UNC80: variants seen among roughly 807,000 people sequenced by gnomAD.
UNC80 encodes the protein protein unc-80 homolog.
In UNC80, 164 loss-of-function variants were observed where a neutral mutation model predicts 384.6. The ratio of observed to expected loss-of-function variants is 0.43; its 90% CI spans 0.38 to 0.49. UNC80 has a LOEUF of 0.49. Ranked by LOEUF, UNC80 falls within the 20% of genes least tolerant of loss-of-function variation. The pLI is 0.00. For synonymous variants in UNC80, 1,486 were observed against 1,527.8 expected, an observed-to-expected ratio of 0.97 and a Z score of 0.64; for missense variants, 3,330 against 4,143.0, an observed-to-expected ratio of 0.80 and a Z score of 5.39.
intron 28 of UNC80, 36 bp from the exon 29 acceptor site, chr2:209,904,729 T>G (rs570322934): frequency 2.4e-4 from 370 of 1,541,032 alleles, no homozygotes; most frequent in South Asian, 7.3e-4. Context: ...TGTACCCTGG[T>G]TGCCTGGCTG....
At chr2:209,808,080 C>G (rs1020751847) in intron 7 of UNC80, among the ~76,000 whole-genome samples, 5 of 152,226 alleles carry the variant, frequency 3.3e-5, no homozygotes, top group Non-Finnish European at 5.9e-5. Context: ...TGCAGCCCAT[C>G]ATCTGCTGAA....
At chr2:209,842,700 T>C (rs758434432) in intron 21 of UNC80, among the ~76,000 whole-genome samples, 5 of 152,210 alleles carry the variant, frequency 3.3e-5, no homozygotes, top group Non-Finnish European at 7.3e-5. Flanking sequence ...CTTCTGCTGT[T>C]CTATCCTTTA....
chr2:209,903,963 A>C (rs1010315051), intron 28 of UNC80, among the ~76,000 whole-genome samples: 7 of 152,072 alleles, frequency 4.6e-5, no homozygotes, highest in Non-Finnish European at 1.0e-4. Context: ...GAAGGATGGA[A>C]GCATTCAGAA....
At chr2:209,969,702 C>T (rs1409449236) in intron 52 of UNC80, 66 bp from the exon 53 acceptor site, 1 of 1,537,516 alleles carries the variant, frequency 6.5e-7, no homozygotes, top group African/African-American at 1.4e-5. Flanking sequence ...ATCACTGTCT[C>T]ATTCACTTGT....
At chr2:209,826,509 T>C (rs550751969) in intron 14 of UNC80, among the ~76,000 whole-genome samples, 3 of 152,276 alleles carry the variant, frequency 2.0e-5, no homozygotes, top group South Asian at 2.1e-4. Context: ...ATGGCCCTTA[T>C]TGGGACAAAA....
At chr2:209,908,586 T>G (rs2088548236) in intron 29 of UNC80, among the ~76,000 whole-genome samples, 1 of 152,198 alleles carries the variant, frequency 6.6e-6, no homozygotes, top group South Asian at 2.1e-4. Context: ...CTTTCCTCTT[T>G]CAACCAAAAA....
intron 22 of UNC80, among the ~76,000 whole-genome samples, chr2:209,870,113 G>C (rs529824592): frequency 6.6e-6 from 1 of 152,172 alleles, no homozygotes; most frequent in East Asian, 1.9e-4. Context: ...CCATACATAT[G>C]GTCCACGTTA....
At chr2:209,913,765 TA>T in intron 30 of UNC80, 36 bp from the exon 31 acceptor site, 1 of 1,526,918 alleles carries the variant, frequency 6.5e-7, no homozygotes. Flanking sequence ...TTCACTGTCT[TA>T]AAAGATTTTA....
Position 209,818,984 on chromosome 2 carries a change from T to G in UNC80, c.1694-9T>G. ...AGGGAGAACTAAGACATTGCTTTCA[T>G]TTTATTAGTGCGATCTCAGATCTCC... is the stretch of plus-strand genomic sequence containing the variant. On this transcript the variant is annotated splice_polypyrimidine_tract_variant and intron_variant, in intron 11 of 64. Coordinates refer to ENST00000673920, the MANE Select transcript of UNC80 (RefSeq NM_001371986.1). 6.5e-7 allele frequency: 1 copy of G among 1,549,984 alleles called. No individual in the cohort carries two copies. Among genetic ancestry groups the G allele is most frequent in the Non-Finnish European group, 8.7e-7 (1 of 1,145,714 alleles).
At chr2:209,986,620 G>A (rs907656055) in intron 61 of UNC80, among the ~76,000 whole-genome samples, 2 of 152,146 alleles carry the variant, frequency 1.3e-5, no homozygotes, top group East Asian at 1.9e-4. Flanking sequence ...ATCAACTGCC[G>A]TTGATCCGTT....
intron 7 of UNC80, chr2:209,808,767 T>TCCTGCGCTACTCAGCGACCTCGTTGCC: frequency 1.7e-5 from 1 of 59,212 alleles, no homozygotes; most frequent in Non-Finnish European, 2.9e-5. Flanking sequence ...CCTGCGCTAC[T>TCCTGCGCTACTCAGCGACCTCGTTGCC]TCTGCGCTAC....
In UNC80 at chr2:209,831,589, C is replaced by A; in HGVS notation, c.2773C>A (p.Leu925Met). The A allele has an allele frequency of 6.5e-7, 1 of 1,538,916 alleles. No homozygotes were observed. Among genetic ancestry groups the A allele is most frequent in the Non-Finnish European group, 8.8e-7 (1 of 1,141,304 alleles). The stretch of plus-strand genomic sequence containing the variant: ...ACATGAATTGCACAGCCCTGAGAAT[C>A]TGGTGAGAAGCTCTCCTCTCTTCCC... ...TTHELHSPEN[L>M]GLYCDIRQLV... Residue 925 changes from leucine (L) to methionine (M), a missense_variant and splice_region_variant, in exon 16 of 65, where the codon CTG (leucine) becomes ATG (methionine). Around this residue, in one of 8 missense-constraint regions of UNC80, gnomAD observed 937 missense variants for 1,026.8 expected, o/e 0.91. Transcript: ENST00000673920.
intron 7 of UNC80, among the ~76,000 whole-genome samples, chr2:209,796,864 C>G (rs2078194886): frequency 6.6e-6 from 1 of 152,140 alleles, no homozygotes; most frequent in Admixed American, 6.5e-5. Flanking sequence ...AACTAATACA[C>G]AGTTTAATGA....
intron 47 of UNC80, among the ~76,000 whole-genome samples, chr2:209,952,735 T>A: frequency 6.6e-6 from 1 of 152,208 alleles, no homozygotes; most frequent in East Asian, 1.9e-4. Flanking sequence ...CGATGTGTTT[T>A]AAAAATTTTG....
At position 209,918,609 on chromosome 2, in the gene UNC80, G is replaced by A. The variant is rs758644486; in HGVS notation, c.5289G>A (p.Pro1763=). 36 of 1,551,824 alleles carry A rather than the reference G, an allele frequency of 2.3e-5. No homozygotes were observed. The highest frequency in any genetic ancestry group is 2.4e-5 in the Non-Finnish European group (27 of 1,147,030). Residue 1763 remains proline (P), a synonymous_variant, in exon 33 of 65, where the codon CCG becomes CCA. Transcript: ENST00000673920. ...GMPSVPMFDP[P]WVPQCSGSVQ... is the part of the protein sequence containing the mutation. ...CATCCGTCCCAATGTTTGACCCACC[G>A]TGGGTTCCTCAGTGCAGCGGGAGTG... is the stretch of plus-strand genomic sequence containing the variant.
At chr2:209,982,397 A>C (rs896897125) in intron 60 of UNC80, 80 bp downstream of exon 60, 1 of 1,406,650 alleles carries the variant, frequency 7.1e-7, no homozygotes, top group East Asian at 2.6e-5. Context: ...GTTATTCTAC[A>C]AAGACAGAAA....
intron 44 of UNC80, 35 bp from the exon 45 acceptor site, chr2:209,943,345 A>C (rs981415680): frequency 1.9e-6 from 3 of 1,550,070 alleles, no homozygotes; most frequent in African/African-American, 2.7e-5. Context: ...ATACTTCATT[A>C]AGGCATTTTT....
At chr2:209,983,701 T>C (rs1363634361) in intron 60 of UNC80, among the ~76,000 whole-genome samples, 1 of 152,206 alleles carries the variant, frequency 6.6e-6, no homozygotes, top group African/African-American at 2.4e-5. Flanking sequence ...GGTTTTTCAT[T>C]GTTATTTACC....
chr2:209,927,056 G>C, intron 36 of UNC80, 70 bp downstream of exon 36: 1 of 1,500,142 alleles, frequency 6.7e-7, no homozygotes, highest in Non-Finnish European at 9.0e-7. Context: ...ACAGTAGGTT[G>C]CTCTTAAACA....
Sources: gnomAD v4.1 joint callset for allele counts (sites outside exome capture counted in the v4.1 genomes callset) on GRCh38, gnomAD v4.1.1 for gene constraint, gnomAD v4.1.1 regional missense constraint, MANE v1.5 for transcripts, NCBI Gene and HGNC (gene_info 2026-07-23, HGNC 2026-07-21) for gene names.